Variants in LARGE1 observed in about 807,000 individuals in gnomAD.
LARGE1 encodes the protein LARGE xylosyl- and glucuronyltransferase 1, also known as xylosyl- and glucuronyltransferase LARGE1.
In LARGE1, 43 loss-of-function variants were observed where a neutral mutation model predicts 87.6. That is an observed-to-expected ratio of 0.49 (90% CI 0.38 to 0.63). The LOEUF is 0.63. LARGE1 is among the 30% of genes least tolerant of loss of function. The pLI is 0.00. For synonymous variants in LARGE1, 434 were observed against 394.6 expected, an observed-to-expected ratio of 1.10 and a Z score of -1.18; for missense variants, 802 against 1,000.2, an observed-to-expected ratio of 0.80 and a Z score of 2.67.
In LARGE1 at chr22:33,381,856, C is replaced by T. The variant is rs1056559024; in HGVS notation, c.1131+63G>A. ...ACATAAATCTCCCAGCCATCCATGC[C>T]CCTGGGAGGTCCTCTCGGCCCACCT... On this transcript the variant is annotated intron_variant, in intron 9 of 14. Transcript: ENST00000397394. 21 of 1,603,126 alleles carry T rather than the reference C, an allele frequency of 1.3e-5. No individual in the cohort carries two copies. In the African/African-American group the frequency reaches 2.7e-4, roughly 20 times the overall value.
the LARGE1 span, among the ~76,000 whole-genome samples, chr22:33,125,788 C>A: frequency 6.6e-6 from 1 of 152,018 alleles, no homozygotes; most frequent in Non-Finnish European, 1.5e-5. Flanking sequence ...TATTTAGTCA[C>A]CCAGGCTGGA....
intron 9 of LARGE1, among the ~76,000 whole-genome samples, chr22:33,359,723 C>T (rs1028968456): frequency 2.0e-5 from 3 of 149,048 alleles, no homozygotes; most frequent in Non-Finnish European, 4.5e-5. Flanking sequence ...ACCACCACGC[C>T]CGGCTAATTT....
At chr22:33,066,931 G>C in the LARGE1 span, among the ~76,000 whole-genome samples, 1 of 152,088 alleles carries the variant, frequency 6.6e-6, no homozygotes, top group African/African-American at 2.4e-5. Context: ...CTGGACTCCA[G>C]AGACACACTG....
intron 9 of LARGE1, among the ~76,000 whole-genome samples, chr22:33,342,795 G>A (rs1017738118): frequency 2.0e-5 from 3 of 152,240 alleles, no homozygotes; most frequent in Admixed American, 6.5e-5. Context: ...GGAAGATGGG[G>A]GAGTGGATGG....
intron 4 of LARGE1, 82 bp downstream of exon 4, chr22:33,626,162 C>T: frequency 8.2e-7 from 1 of 1,222,712 alleles, no homozygotes; most frequent in Non-Finnish European, 1.2e-6. Flanking sequence ...AGAAATTTTG[C>T]TCCTATTTAA....
At chr22:33,359,560 CTTT>C (rs539990533) in intron 9 of LARGE1, among the ~76,000 whole-genome samples, 7 of 119,230 alleles carry the variant, frequency 5.9e-5, no homozygotes, top group Non-Finnish European at 8.8e-5. Flanking sequence ...GCAGACTCAT[CTTT>C]TTTTTTTTTT....
chr22:33,326,095 A>AT (rs1277143931), intron 10 of LARGE1, among the ~76,000 whole-genome samples: 23 of 152,168 alleles, frequency 1.5e-4, no homozygotes, highest in Admixed American at 1.2e-3. Context: ...AACCCAAAGC[A>AT]TTTTTTTACT....
At chr22:33,548,239 C>T (rs538096362) in intron 6 of LARGE1, among the ~76,000 whole-genome samples, 8 of 152,218 alleles carry the variant, frequency 5.3e-5, no homozygotes, top group East Asian at 1.9e-4. Context: ...CCTTCCCCTA[C>T]GCTCTTTTGC....
rs1052467373 is a variant in LARGE1, at chr22:33,650,502, T to C, written c.273A>G (p.Pro91=). 1 of 1,613,456 alleles carries C rather than the reference T, an allele frequency of 6.2e-7. No individual in the cohort carries two copies. The highest frequency in any genetic ancestry group is 1.3e-5 in the African/African-American group (1 of 75,066). The change falls in exon 3 of 15, where the codon CCA becomes CCG. Residue 91 remains proline (P), a synonymous_variant. Coordinates refer to ENST00000397394, the MANE Select transcript of LARGE1 (RefSeq NM_133642.5). ...RQLSLAQGRA[P]SHRRGNHSKT... Reference sequence around the variant, plus strand: ...TGGAGTGGTTGCCTCGGCGATGGGATGGGGCTCGGCCCTGGGCCAGGCTGA... The same window carrying C: ...TGGAGTGGTTGCCTCGGCGATGGGACGGGGCTCGGCCCTGGGCCAGGCTGA...
At chr22:33,608,200 T>C (rs763349083) in intron 4 of LARGE1, among the ~76,000 whole-genome samples, 4 of 152,212 alleles carry the variant, frequency 2.6e-5, no homozygotes, top group Admixed American at 6.5e-5. Flanking sequence ...TCAAGTTGCA[T>C]GTTCATCTAC....
intron 9 of LARGE1, among the ~76,000 whole-genome samples, chr22:33,365,142 A>C (rs1052360128): frequency 6.6e-6 from 1 of 152,140 alleles, no homozygotes; most frequent in Non-Finnish European, 1.5e-5. Context: ...AGGAGGACAC[A>C]GGCCTTCCAA....
intron 1 of LARGE1, among the ~76,000 whole-genome samples, chr22:33,817,933 G>C (rs895108174): frequency 6.9e-6 from 1 of 144,238 alleles, no homozygotes; most frequent in Non-Finnish European, 1.6e-5. Context: ...AGGGAGGAAA[G>C]GGGGAGGAGA....
intron 13 of LARGE1, among the ~76,000 whole-genome samples, chr22:33,278,044 G>A (rs913695814): frequency 6.6e-6 from 1 of 152,184 alleles, no homozygotes; most frequent in African/African-American, 2.4e-5. Context: ...TATGGCAGAA[G>A]GGATTGTTCT....
chr22:33,274,360 C>T lies in LARGE1; in HGVS notation c.*67G>A, dbSNP rs1344348778. The T allele has an allele frequency of 2.0e-5, 30 of 1,512,036 alleles. No homozygotes were observed. Among genetic ancestry groups the T allele is most frequent in the Non-Finnish European group, 2.5e-5 (27 of 1,087,528 alleles). The allele number at this position is 1,512,036 out of a possible 1,614,324, so 93.7% of individuals were successfully genotyped here. On this transcript the variant is annotated 3_prime_UTR_variant, in exon 15 of 15. Coordinates refer to ENST00000397394, the MANE Select transcript of LARGE1 (RefSeq NM_133642.5). Reference sequence around the variant, plus strand: ...ATGGCTCAATTTTGAATTTGAAGGCCGGGCCCCAAACAGCGAGTGGCACTT... The same window carrying T: ...ATGGCTCAATTTTGAATTTGAAGGCTGGGCCCCAAACAGCGAGTGGCACTT...
intron 2 of LARGE1, among the ~76,000 whole-genome samples, chr22:33,663,401 A>G (rs796514697): frequency 3.9e-5 from 6 of 152,330 alleles, no homozygotes; most frequent in African/African-American, 1.4e-4. Context: ...TAAGAAGAAT[A>G]AAACTAAGAA....
chr22:33,322,071 G>A (rs1034814350), intron 10 of LARGE1, among the ~76,000 whole-genome samples: 3 of 152,074 alleles, frequency 2.0e-5, no homozygotes, highest in Non-Finnish European at 2.9e-5. Flanking sequence ...CACCCGCCTC[G>A]GCCTCCCAAA....
chr22:33,599,225 T>C (rs11913997), intron 5 of LARGE1, among the ~76,000 whole-genome samples: 12,940 of 152,164 alleles, frequency 0.085, 680 homozygotes, highest in African/African-American at 0.14. Flanking sequence ...TTGTTAGCAG[T>C]CTAATCTTAA....
intron 2 of LARGE1, among the ~76,000 whole-genome samples, chr22:33,694,482 C>T (rs377354110): frequency 2.0e-5 from 3 of 152,146 alleles, no homozygotes; most frequent in East Asian, 3.9e-4. Flanking sequence ...AATCATTGTG[C>T]GCCTACTAAT....
At chr22:33,914,888 C>T (rs1162979821) in intron 1 of LARGE1, among the ~76,000 whole-genome samples, 1 of 152,106 alleles carries the variant, frequency 6.6e-6, no homozygotes, top group Non-Finnish European at 1.5e-5. Context: ...TCTAAGGTCA[C>T]ACAGCAAGTT....
Sources: allele counts gnomAD v4.1 joint callset (sites outside exome capture counted in the v4.1 genomes callset), GRCh38; gene constraint gnomAD v4.1.1; transcripts MANE v1.5; gene names NCBI Gene and HGNC (gene_info 2026-07-23, HGNC 2026-07-21).